The following CFAP61 variants were observed in gnomAD, a reference collection of about 807,000 sequenced individuals.
CFAP61 encodes cilia- and flagella-associated protein 61.
CFAP61 carries 107 observed loss-of-function variants against 135.6 expected under a neutral mutation model. The ratio of observed to expected loss-of-function variants is 0.79; its 90% CI spans 0.67 to 0.93. The LOEUF is 0.93. Ranked by LOEUF, CFAP61 falls within the 40% of genes least tolerant of loss-of-function variation. The pLI, the probability that CFAP61 is intolerant of heterozygous loss-of-function variation, is 0.00. For missense variants in CFAP61, 1,507 were observed against 1,556.2 expected (o/e 0.97, Z 0.53); for synonymous variants, 575 against 578.5 (o/e 0.99, Z 0.09).
chr20:20,171,493 T>C (rs1339363735), intron 13 of CFAP61, among the ~76,000 whole-genome samples: 1 of 152,146 alleles, frequency 6.6e-6, no homozygotes, highest in African/African-American at 2.4e-5. Flanking sequence ...GTCCTTCCAT[T>C]GTGACTGGAG....
At chr20:20,207,921 C>G (rs1002828855) in intron 17 of CFAP61, among the ~76,000 whole-genome samples, 1 of 152,136 alleles carries the variant, frequency 6.6e-6, no homozygotes, top group Non-Finnish European at 1.5e-5. Context: ...AAACATGCCT[C>G]TTCACTTAAT....
rs140128466 is a variant in CFAP61 at position 20,115,807 on chromosome 20, A to G, written c.859+16993A>G. Among the ~76,000 whole-genome samples, 19 of 152,294 alleles carry G rather than the reference A, an allele frequency of 1.2e-4. No homozygotes were observed. The East Asian group carries it at 3.1e-3, about 25-fold the overall frequency. ...ATGGCTGAACAATATTCGATTGTGTATATATACCACATTTGCTTTATCCAT... is the reference window on the plus strand; with the variant it reads ...ATGGCTGAACAATATTCGATTGTGTGTATATACCACATTTGCTTTATCCAT... On this transcript the variant is annotated intron_variant, in intron 8 of 26. Transcript: ENST00000245957.
chr20:20,126,789 C>T (rs757735645), intron 8 of CFAP61, among the ~76,000 whole-genome samples: 15 of 151,820 alleles, frequency 9.9e-5, no homozygotes, highest in Admixed American at 7.2e-4. Context: ...AAGTTTTCCT[C>T]GATTTTTCCC....
chr20:20,076,968 C>T (rs578068953), intron 6 of CFAP61, among the ~76,000 whole-genome samples: 1 of 152,256 alleles, frequency 6.6e-6, no homozygotes, highest in Admixed American at 6.5e-5. Flanking sequence ...ACATCAAGCA[C>T]TTAGCACACT....
intron 17 of CFAP61, chr20:20,222,092 C>A (rs1021601534): frequency 7.2e-5 from 11 of 152,024 alleles, no homozygotes; most frequent in African/African-American, 2.7e-4. Context: ...TTCAGGAATA[C>A]CAGCTTAAAA....
intron 25 of CFAP61, among the ~76,000 whole-genome samples, chr20:20,319,912 T>C (rs1056994169): frequency 7.9e-5 from 12 of 152,156 alleles, no homozygotes; most frequent in African/African-American, 2.9e-4. Context: ...ATGCAGTCCT[T>C]GGTGGGAAAA....
At chr20:20,179,335 A>G (rs1335717141) in intron 13 of CFAP61, among the ~76,000 whole-genome samples, 2 of 152,232 alleles carry the variant, frequency 1.3e-5, no homozygotes, top group African/African-American at 4.8e-5. Flanking sequence ...GAGAGATGAA[A>G]GATCTCTACA....
chr20:20,092,751 T>C (rs2047293471), intron 7 of CFAP61, among the ~76,000 whole-genome samples: 1 of 152,154 alleles, frequency 6.6e-6, no homozygotes, highest in Admixed American at 6.5e-5. Flanking sequence ...TCAACATCAT[T>C]AGTCATTAAG....
At chr20:20,284,250 C>CTTTATTTTAT (rs749504536) in intron 22 of CFAP61, among the ~76,000 whole-genome samples, 140 of 145,080 alleles carry the variant, frequency 9.6e-4, no homozygotes, top group East Asian at 6.1e-3. Context: ...TCAATTGGCT[C>CTTTATTTTAT]TTTATTTTAT....
chr20:20,145,834 T>C (rs1308959823), intron 9 of CFAP61, among the ~76,000 whole-genome samples: 1 of 152,200 alleles, frequency 6.6e-6, no homozygotes, highest in African/African-American at 2.4e-5. Context: ...CCAATAACAG[T>C]GCTTCAAAAC....
intron 26 of CFAP61, among the ~76,000 whole-genome samples, chr20:20,354,264 G>A (rs2058958684): frequency 6.6e-6 from 1 of 152,174 alleles, no homozygotes; most frequent in South Asian, 2.1e-4. Flanking sequence ...CACTTTGGGA[G>A]GCTGAGGCAG....
chr20:20,354,138 C>G (rs2058954177), intron 26 of CFAP61, among the ~76,000 whole-genome samples: 1 of 151,826 alleles, frequency 6.6e-6, no homozygotes, highest in African/African-American at 2.4e-5. Context: ...TACTATTCAG[C>G]CTTGAAAAAA....
chr20:20,223,148 G>A (rs1380959887), intron 17 of CFAP61, among the ~76,000 whole-genome samples: 3 of 152,182 alleles, frequency 2.0e-5, no homozygotes, highest in Non-Finnish European at 4.4e-5. Context: ...TCATATTGCA[G>A]ATGGGAGAGA....
chr20:20,153,624 A>C (rs906479738), intron 9 of CFAP61, among the ~76,000 whole-genome samples: 1 of 152,140 alleles, frequency 6.6e-6, no homozygotes, highest in African/African-American at 2.4e-5. Flanking sequence ...GAGATAGATA[A>C]ATTCCTGGAA....
At chr20:20,296,840 AT>A (rs914032243) in intron 24 of CFAP61, among the ~76,000 whole-genome samples, 2 of 152,038 alleles carry the variant, frequency 1.3e-5, no homozygotes, top group Admixed American at 6.6e-5. Flanking sequence ...TTTAACACTA[AT>A]TTTTTTGAAT....
intron 26 of CFAP61, among the ~76,000 whole-genome samples, chr20:20,355,807 G>C (rs112053011): frequency 2.4e-4 from 31 of 131,148 alleles, no homozygotes; most frequent in East Asian, 1.5e-3. Flanking sequence ...GGGAGGTAGT[G>C]ACACTGTGAG....
chr20:20,133,602 A>G (rs978763954), intron 8 of CFAP61, among the ~76,000 whole-genome samples: 18 of 152,182 alleles, frequency 1.2e-4, no homozygotes, highest in African/African-American at 4.1e-4. Flanking sequence ...CATCATTGCA[A>G]CCCATGTTCA....
At chr20:20,217,864 TCTC>T (rs2048140848) in intron 17 of CFAP61, among the ~76,000 whole-genome samples, 1 of 152,182 alleles carries the variant, frequency 6.6e-6, no homozygotes, top group South Asian at 2.1e-4. Context: ...CATGCAGCCT[TCTC>T]CTTTCAAAGG....
chr20:20,158,078 C>T (rs56755415), intron 9 of CFAP61, among the ~76,000 whole-genome samples: 1 of 145,756 alleles, frequency 6.9e-6, no homozygotes, highest in Non-Finnish European at 1.5e-5. Context: ...ATATCACACT[C>T]TGGGGACTGT....
Sources: allele counts gnomAD v4.1 joint callset (sites outside exome capture counted in the v4.1 genomes callset), GRCh38; gene constraint gnomAD v4.1.1; transcripts MANE v1.5; gene names NCBI Gene and HGNC (gene_info 2026-07-23, HGNC 2026-07-21).